Variants in FBXL7 observed in about 807,000 individuals in gnomAD.
The protein encoded by FBXL7 is F-box and leucine rich repeat protein 7.
In FBXL7, 12 loss-of-function variants were observed where a neutral mutation model predicts 38.3. That is an observed-to-expected ratio of 0.31 (90% CI 0.20 to 0.51). FBXL7 has a LOEUF of 0.51. Among genes scored for constraint, FBXL7 ranks in the 20% least tolerant of loss-of-function variants. The pLI is 0.98. For missense variants in FBXL7, 567 were observed against 676.4 expected, an observed-to-expected ratio of 0.84 and a Z score of 1.79; for synonymous variants, 297 against 300.9, an observed-to-expected ratio of 0.99 and a Z score of 0.13.
At chr5:15,696,220 A>C (rs866592765) in intron 2 of FBXL7, among the ~76,000 whole-genome samples, 1 of 152,188 alleles carries the variant, frequency 6.6e-6, no homozygotes, top group Non-Finnish European at 1.5e-5. Context: ...CATTTCAGAA[A>C]GCAATAGTAT....
intron 1 of FBXL7, among the ~76,000 whole-genome samples, chr5:15,579,941 T>A (rs1328040952): frequency 6.6e-6 from 1 of 152,226 alleles, no homozygotes; most frequent in African/African-American, 2.4e-5. Context: ...GGAAGCAGCA[T>A]TGGCTTTTAT....
chr5:15,857,958 T>A (rs1739320541), intron 2 of FBXL7, among the ~76,000 whole-genome samples: 1 of 152,120 alleles, frequency 6.6e-6, no homozygotes, highest in Non-Finnish European at 1.5e-5. Context: ...AGATATAAGT[T>A]GAGGAAATAG....
At chr5:15,650,432 A>G (rs1363619039) in intron 2 of FBXL7, among the ~76,000 whole-genome samples, 1 of 152,128 alleles carries the variant, frequency 6.6e-6, no homozygotes, top group Non-Finnish European at 1.5e-5. Context: ...GTTTCACTTC[A>G]TCGTTGATGG....
intron 1 of FBXL7, among the ~76,000 whole-genome samples, chr5:15,531,826 T>G (rs1358125089): frequency 6.6e-6 from 1 of 152,220 alleles, no homozygotes; most frequent in African/African-American, 2.4e-5. Flanking sequence ...CTGCCTTTTC[T>G]AGGACATGAA....
Position 15,612,664 on chromosome 5 carries a change from T to A in FBXL7, c.38-3319T>A, listed in dbSNP as rs563841143. Among the ~76,000 whole-genome samples, 3 of 152,232 alleles carry A rather than the reference T, an allele frequency of 2.0e-5. No individual in the cohort carries two copies. The East Asian group carries it at 5.8e-4, about 29-fold the overall frequency. On this transcript the variant is annotated intron_variant, in intron 1 of 3. Transcript: ENST00000504595. ...TTTAAAGGAAGGCGCTCTACTCCAG[T>A]GTTTGTAGATGGATAAGCAATAAAA...
At chr5:15,926,140 A>G (rs951484428) in intron 2 of FBXL7, among the ~76,000 whole-genome samples, 1 of 152,106 alleles carries the variant, frequency 6.6e-6, no homozygotes, top group African/African-American at 2.4e-5. Context: ...AAAACCCCAT[A>G]GTAAGCTGGG....
chr5:15,540,127 G>A (rs945791339), intron 1 of FBXL7, among the ~76,000 whole-genome samples: 1 of 152,114 alleles, frequency 6.6e-6, no homozygotes, highest in Non-Finnish European at 1.5e-5. Flanking sequence ...TCATGCAAAA[G>A]CTCATGAGTC....
intron 2 of FBXL7, among the ~76,000 whole-genome samples, chr5:15,742,269 T>C (rs1485129161): frequency 6.6e-6 from 1 of 152,190 alleles, no homozygotes; most frequent in Non-Finnish European, 1.5e-5. Flanking sequence ...TTTGAAGCAG[T>C]TCAGACATTT....
At chr5:15,556,347 A>G (rs1738238814) in intron 1 of FBXL7, among the ~76,000 whole-genome samples, 1 of 152,076 alleles carries the variant, frequency 6.6e-6, no homozygotes, top group Non-Finnish European at 1.5e-5. Flanking sequence ...TGAGAATTCA[A>G]TTCAGTCTTC....
chr5:15,903,607 G>A (rs1561183132), intron 2 of FBXL7, among the ~76,000 whole-genome samples: 1 of 152,040 alleles, frequency 6.6e-6, no homozygotes, highest in Non-Finnish European at 1.5e-5. Context: ...TGACAGTATA[G>A]CAACTTAATG....
At chr5:15,555,795 ATAG>A (rs1561025886) in intron 1 of FBXL7, among the ~76,000 whole-genome samples, 92 of 150,450 alleles carry the variant, frequency 6.1e-4, no homozygotes, top group Middle Eastern at 3.4e-3. Context: ...AGATAGATAG[ATAG>A]ATAGATAGAT....
chr5:15,764,910 G>C (rs559190019), intron 2 of FBXL7, among the ~76,000 whole-genome samples: 1 of 152,232 alleles, frequency 6.6e-6, no homozygotes, highest in African/African-American at 2.4e-5. Context: ...GAAGCCAAGA[G>C]GCAAATTGCA....
intron 2 of FBXL7, among the ~76,000 whole-genome samples, chr5:15,817,602 G>A (rs1738053248): frequency 1.3e-5 from 2 of 152,116 alleles, no homozygotes; most frequent in African/African-American, 2.4e-5. Context: ...GGGTAATTGA[G>A]TCATGGGGGT....
intron 1 of FBXL7, among the ~76,000 whole-genome samples, chr5:15,549,874 C>T (rs1738014077): frequency 6.6e-6 from 1 of 152,110 alleles, no homozygotes; most frequent in African/African-American, 2.4e-5. Flanking sequence ...GAAATCTGGC[C>T]ATTGCAGTTG....
chr5:15,856,632 A>G (rs144035396), intron 2 of FBXL7, among the ~76,000 whole-genome samples: 158 of 152,266 alleles, frequency 1.0e-3, no homozygotes, highest in Admixed American at 1.7e-3. Flanking sequence ...CAGATTAACT[A>G]CTGTTAATTG....
intron 1 of FBXL7, among the ~76,000 whole-genome samples, chr5:15,584,724 C>T (rs1015041580): frequency 3.9e-5 from 6 of 152,216 alleles, no homozygotes; most frequent in African/African-American, 1.4e-4. Flanking sequence ...TATAAAAGTA[C>T]CCCACTCCTG....
At chr5:15,871,730 A>G (rs1396937752) in intron 2 of FBXL7, among the ~76,000 whole-genome samples, 1 of 152,092 alleles carries the variant, frequency 6.6e-6, no homozygotes, top group African/African-American at 2.4e-5. Context: ...AAGCATGAAG[A>G]CAAGATTAGA....
intron 2 of FBXL7, among the ~76,000 whole-genome samples, chr5:15,774,171 G>A (rs191453630): frequency 5.3e-5 from 8 of 152,008 alleles, no homozygotes; most frequent in Admixed American, 5.2e-4. Context: ...AGCTTCCAGA[G>A]GCTACCTGTA....
intron 2 of FBXL7, among the ~76,000 whole-genome samples, chr5:15,712,680 T>A (rs200533913): frequency 1.2e-4 from 18 of 147,174 alleles, no homozygotes; most frequent in Middle Eastern, 3.6e-3. Flanking sequence ...CAATAAAATT[T>A]AAAAAAAAAA....
Sources: gnomAD v4.1 joint callset for allele counts (sites outside exome capture counted in the v4.1 genomes callset) on GRCh38, gnomAD v4.1.1 for gene constraint, MANE v1.5 for transcripts, NCBI Gene and HGNC (gene_info 2026-07-23, HGNC 2026-07-21) for gene names.